ANOS1: variants seen among roughly 807,000 people sequenced by gnomAD.
ANOS1 encodes the protein anosmin 1, also known as anosmin-1.
ANOS1 carries 6 observed loss-of-function variants against 59.0 expected under a neutral mutation model. The ratio of observed to expected loss-of-function variants is 0.10; its 90% confidence interval spans 0.06 to 0.20. ANOS1 has a LOEUF of 0.20. ANOS1 is among the 10% of genes least tolerant of loss of function. The pLI is 1.00. For missense variants in ANOS1, 433 were observed against 542.3 expected (o/e 0.80, Z 2.00); for synonymous variants, 217 against 223.4 (o/e 0.97, Z 0.25).
chrX:8,667,581 C>T (rs747268787), intron 2 of ANOS1, among the ~76,000 whole-genome samples: 1 of 111,440 alleles, frequency 9.0e-6, no homozygotes, highest in Non-Finnish European at 1.9e-5. Flanking sequence ...CACTGTGGGC[C>T]GGGGCTTGCA....
At chrX:8,730,979 T>C (rs935772251) in intron 1 of ANOS1, among the ~76,000 whole-genome samples, 12 of 111,867 alleles carry the variant, frequency 1.1e-4, no homozygotes, top group African/African-American at 3.9e-4. Flanking sequence ...GGCAACCCGC[T>C]GGAGCCAAGC....
At chrX:8,693,999 G>A (rs111608235) in intron 2 of ANOS1, among the ~76,000 whole-genome samples, 3 of 111,511 alleles carry the variant, frequency 2.7e-5, no homozygotes, top group African/African-American at 9.8e-5. Context: ...TGGGATTACA[G>A]GCGTGGGCCA....
chrX:8,547,589 G>A (rs777766829), intron 9 of ANOS1, among the ~76,000 whole-genome samples: 56 of 112,160 alleles, frequency 5.0e-4, no homozygotes, highest in Admixed American at 1.5e-3. Context: ...TTAAAGGTAG[G>A]AAATCTCTCT....
intron 2 of ANOS1, among the ~76,000 whole-genome samples, chrX:8,658,105 TAG>T (rs778374329): frequency 1.2e-3 from 140 of 112,169 alleles, no homozygotes; most frequent in African/African-American, 4.2e-3. Context: ...AGTTCTCAGA[TAG>T]AGAGTGGCAG....
At chrX:8,722,574 TACACACACACAC>T (rs774803381) in intron 1 of ANOS1, among the ~76,000 whole-genome samples, 3 of 102,136 alleles carry the variant, frequency 2.9e-5, no homozygotes, top group Non-Finnish European at 6.0e-5. Flanking sequence ...ATTATGTGTG[TACACACACACAC>T]ACACACACAC....
intron 2 of ANOS1, among the ~76,000 whole-genome samples, chrX:8,671,230 A>T (rs747047143): frequency 9.0e-6 from 1 of 111,112 alleles, no homozygotes; most frequent in African/African-American, 3.3e-5. Context: ...AGCTTCTTAA[A>T]CTTCTCTATA....
chrX:8,658,238 T>C (rs1931966753), intron 2 of ANOS1, among the ~76,000 whole-genome samples: 1 of 111,578 alleles, frequency 9.0e-6, no homozygotes, highest in African/African-American at 3.3e-5. Context: ...CTGGTGCCTC[T>C]TGCTTTCTTG....
Position 8,532,654 on chromosome X carries a change from G to T in ANOS1, c.*341C>A. The stretch of plus-strand genomic sequence containing the variant: ...TGTGTATTTGTTACTCTCCTTTTTG[G>T]GGCGGAGTTTGGTGCTCCAAATTCA... On this transcript the variant is annotated 3_prime_UTR_variant, in exon 14 of 14. Transcript: ENST00000262648. 1 of 172,605 alleles carries T rather than the reference G, an allele frequency of 5.8e-6. No homozygotes were observed. The highest frequency in any genetic ancestry group is 1.1e-5 in the Non-Finnish European group (1 of 90,756). 14.2% of individuals were successfully genotyped at this position (172,605 alleles called of 1,213,427 possible). A position where few individuals can be genotyped will look rare whatever the true frequency, so the allele number is the denominator to read the frequency against.
intron 4 of ANOS1, among the ~76,000 whole-genome samples, chrX:8,592,871 T>C (rs759656623): frequency 2.3e-4 from 26 of 111,864 alleles, no homozygotes; most frequent in Admixed American, 5.7e-4. Flanking sequence ...TTTTAAACTA[T>C]AGTCTATGAA....
rs149030702 is a variant in ANOS1 at position 8,612,628 on chromosome X, C to T, written c.318+10980G>A. Among the ~76,000 whole-genome samples the T allele has an allele frequency of 4.4e-3, 449 of 101,184 alleles. 1 individual carries two copies. Among genetic ancestry groups the T allele is most frequent in the Non-Finnish European group, 7.0e-3 (355 of 50,609 alleles). The allele number at this position is 101,184 out of a possible 115,157, so 87.9% of individuals were successfully genotyped here. A position where few individuals can be genotyped will look rare whatever the true frequency, so the allele number is the denominator to read the frequency against. ...ATGAATCAAGAAAAAGTAGAGAATA[C>T]ATAACTTACCAATGTCAGTATTGCA... On this transcript the variant is annotated intron_variant, in intron 3 of 13. Transcript: ENST00000262648.
At chrX:8,646,932 CAA>C (rs775821235) in intron 2 of ANOS1, among the ~76,000 whole-genome samples, 35 of 51,850 alleles carry the variant, frequency 6.8e-4, no homozygotes, top group Admixed American at 1.2e-3. Flanking sequence ...GAACCTGTCT[CAA>C]AAAAAAAAAA....
At chrX:8,716,570 C>A (rs1303144383) in intron 1 of ANOS1, among the ~76,000 whole-genome samples, 1 of 111,853 alleles carries the variant, frequency 8.9e-6, no homozygotes, top group Non-Finnish European at 1.9e-5. Flanking sequence ...CAGGGTAGGG[C>A]ACCAGCGATC....
rs752741795 is a variant in ANOS1 at position 8,587,814 on chromosome X, G to A, written c.706C>T (p.His236Tyr). Residue 236 changes from histidine (H) to tyrosine (Y), a missense_variant, in exon 5 of 14, where the codon CAC becomes TAC. Transcript: ENST00000262648. ...GIHPSEDDATHWQTVAQTTDE... is the reference protein window; with the variant it reads ...GIHPSEDDATYWQTVAQTTDE... ...CTTACCTGGGCCACTGTCTGCCAGT[G>A]AGTGGCGTCATCTTCGCTAGGATGG... is the stretch of plus-strand genomic sequence containing the variant. 8.3e-7 allele frequency: 1 copy of A among 1,203,275 alleles called. No homozygotes were observed. Among genetic ancestry groups the A allele is most frequent in the Admixed American group, 2.2e-5 (1 of 45,404 alleles).
At chrX:8,639,036 G>A (rs747919683) in intron 2 of ANOS1, among the ~76,000 whole-genome samples, 5 of 111,615 alleles carry the variant, frequency 4.5e-5, no homozygotes, top group Non-Finnish European at 9.4e-5. Flanking sequence ...CTGGTAAAAC[G>A]AGTAATCTAA....
At chrX:8,639,035 C>T (rs149996557) in intron 2 of ANOS1, among the ~76,000 whole-genome samples, 167 of 111,662 alleles carry the variant, frequency 1.5e-3, no homozygotes, top group African/African-American at 5.3e-3. Flanking sequence ...ACTGGTAAAA[C>T]GAGTAATCTA....
rs543671851 is a variant in ANOS1 at position 8,569,574 on chromosome X, G to A, written c.1062+925C>T. On this transcript the variant is annotated intron_variant, in intron 7 of 13. Transcript: ENST00000262648. ...GGAGAATGGCGTGAACCCGGGAGGC[G>A]GAGCTTGCAGTGAGCCGAGATTGCT... Among the ~76,000 whole-genome samples the A allele has an allele frequency of 7.9e-3, 885 of 111,739 alleles. 8 individuals are homozygous for A. Among genetic ancestry groups the A allele is most frequent in the African/African-American group, 0.027 (830 of 30,726 alleles).
chrX:8,621,931 G>T (rs1601986453), intron 3 of ANOS1, among the ~76,000 whole-genome samples: 2 of 112,054 alleles, frequency 1.8e-5, no homozygotes, highest in East Asian at 5.6e-4. Context: ...TGAATGAATA[G>T]ATATTTTTAA....
intron 2 of ANOS1, among the ~76,000 whole-genome samples, chrX:8,644,022 C>T (rs776395775): frequency 1.8e-5 from 2 of 111,064 alleles, no homozygotes; most frequent in South Asian, 7.7e-4. Context: ...CCAAGCTGTG[C>T]CCCGACCACC....
intron 1 of ANOS1, among the ~76,000 whole-genome samples, chrX:8,723,272 A>C (rs997388827): frequency 1.8e-5 from 2 of 112,787 alleles, no homozygotes; most frequent in Admixed American, 1.9e-4. Flanking sequence ...GTAAACAGAC[A>C]ACCCACAAAG....
Sources: allele counts gnomAD v4.1 joint callset (sites outside exome capture counted in the v4.1 genomes callset), GRCh38; gene constraint gnomAD v4.1.1; transcripts MANE v1.5; gene names NCBI Gene and HGNC (gene_info 2026-07-23, HGNC 2026-07-21).